Variants in ANTXR1 observed in about 807,000 individuals in gnomAD.
ANTXR1 encodes the protein anthrax toxin receptor 1.
In ANTXR1, 19 loss-of-function variants were observed where a neutral mutation model predicts 78.1. The observed-to-expected ratio is 0.24, with a 90% CI of 0.17 to 0.36. The LOEUF is 0.36. ANTXR1 is among the 10% of genes least tolerant of loss of function. The pLI is 1.00. For synonymous variants in ANTXR1, 273 were observed against 260.5 expected, an observed-to-expected ratio of 1.05 and a Z score of -0.46; for missense variants, 518 against 718.6, an observed-to-expected ratio of 0.72 and a Z score of 3.19.
intron 12 of ANTXR1, among the ~76,000 whole-genome samples, chr2:69,135,779 C>T (rs1173462283): frequency 6.6e-6 from 1 of 152,000 alleles, no homozygotes; most frequent in Non-Finnish European, 1.5e-5. Flanking sequence ...AATCCACCAT[C>T]ACAGGAGGTT....
At chr2:69,154,513 G>A (rs944543158) in intron 13 of ANTXR1, among the ~76,000 whole-genome samples, 1 of 152,134 alleles carries the variant, frequency 6.6e-6, no homozygotes, top group Non-Finnish European at 1.5e-5. Context: ...CCTCCCATCA[G>A]AGTTTCATTC....
At chr2:69,110,640 C>G (rs1313562787) in intron 10 of ANTXR1, among the ~76,000 whole-genome samples, 1 of 152,146 alleles carries the variant, frequency 6.6e-6, no homozygotes, top group Non-Finnish European at 1.5e-5. Flanking sequence ...GGGCGGATCA[C>G]AAGGTCTCCG....
chr2:69,116,436 T>C (rs1351853637), intron 10 of ANTXR1, among the ~76,000 whole-genome samples: 1 of 152,240 alleles, frequency 6.6e-6, no homozygotes, highest in South Asian at 2.1e-4. Context: ...GCTGGTTACT[T>C]TTGGAGGCAG....
At chr2:69,154,963 G>A (rs902388503) in intron 13 of ANTXR1, among the ~76,000 whole-genome samples, 3 of 152,178 alleles carry the variant, frequency 2.0e-5, no homozygotes, top group Non-Finnish European at 4.4e-5. Context: ...AGATGTACTG[G>A]CCAGGATGAG....
intron 17 of ANTXR1, among the ~76,000 whole-genome samples, chr2:69,223,676 TGAG>T (rs1189446134): frequency 1.3e-5 from 2 of 152,228 alleles, no homozygotes; most frequent in African/African-American, 4.8e-5. Flanking sequence ...TTCTAATTTT[TGAG>T]GAGGTTTGCT....
chr2:69,077,147 C>T, intron 7 of ANTXR1: 1 of 546,326 alleles, frequency 1.8e-6, no homozygotes, highest in Non-Finnish European at 3.3e-6. Context: ...AAGCTGGGCG[C>T]TCTTACCTCT....
intron 14 of ANTXR1, among the ~76,000 whole-genome samples, chr2:69,180,427 A>G (rs989541182): frequency 7.2e-5 from 11 of 152,164 alleles, no homozygotes; most frequent in Non-Finnish European, 4.4e-5. Context: ...AAATGGTGAT[A>G]TTTTTCTCCC....
chr2:69,018,743 C>T (rs1671099307), intron 1 of ANTXR1, among the ~76,000 whole-genome samples: 2 of 151,956 alleles, frequency 1.3e-5, no homozygotes, highest in Non-Finnish European at 2.9e-5. Context: ...CCTTGACTCC[C>T]AGACCAGCTC....
At chr2:69,167,959 C>T (rs1673873665) in intron 13 of ANTXR1, among the ~76,000 whole-genome samples, 1 of 152,198 alleles carries the variant, frequency 6.6e-6, no homozygotes, top group Non-Finnish European at 1.5e-5. Context: ...AATTAAATAG[C>T]AACCGCATTG....
At chr2:69,229,301 T>A (rs549580851) in intron 17 of ANTXR1, among the ~76,000 whole-genome samples, 1 of 152,346 alleles carries the variant, frequency 6.6e-6, no homozygotes, top group South Asian at 2.1e-4. Flanking sequence ...GAAAAGGTGT[T>A]GACAGCTACT....
At chr2:69,122,643 G>A (rs1056983878) in intron 10 of ANTXR1, among the ~76,000 whole-genome samples, 5 of 151,958 alleles carry the variant, frequency 3.3e-5, no homozygotes, top group African/African-American at 7.3e-5. Flanking sequence ...TGTGCACAAC[G>A]TGCAGGTTTG....
intron 17 of ANTXR1, among the ~76,000 whole-genome samples, chr2:69,218,189 G>T (rs1160406272): frequency 6.6e-6 from 1 of 152,174 alleles, no homozygotes; most frequent in Non-Finnish European, 1.5e-5. Flanking sequence ...CTGCAGAAAA[G>T]TCACCCCATG....
chr2:69,106,074 C>A (rs892675898), intron 10 of ANTXR1, among the ~76,000 whole-genome samples: 1 of 152,196 alleles, frequency 6.6e-6, no homozygotes, highest in African/African-American at 2.4e-5. Context: ...ATAGGTAGGG[C>A]ATATAATACT....
At chr2:69,028,874 T>C (rs982171011) in intron 1 of ANTXR1, among the ~76,000 whole-genome samples, 29 of 152,122 alleles carry the variant, frequency 1.9e-4, no homozygotes, top group African/African-American at 6.0e-4. Flanking sequence ...AGAGGACAGT[T>C]TGAGAAAATT....
intron 8 of ANTXR1, among the ~76,000 whole-genome samples, chr2:69,085,889 T>C (rs1401786510): frequency 1.3e-5 from 2 of 152,218 alleles, no homozygotes; most frequent in East Asian, 3.8e-4. Context: ...GTTCAGGTTT[T>C]TGTCTTAGAC....
At chr2:69,068,604 G>A (rs1480606893) in intron 3 of ANTXR1, among the ~76,000 whole-genome samples, 1 of 152,200 alleles carries the variant, frequency 6.6e-6, no homozygotes, top group East Asian at 1.9e-4. Context: ...GCTGGACAGG[G>A]AGGCAAGAGC....
chr2:69,015,947 C>G (rs1330469355), intron 1 of ANTXR1, among the ~76,000 whole-genome samples: 2 of 150,728 alleles, frequency 1.3e-5, no homozygotes, highest in Non-Finnish European at 2.9e-5. Context: ...CTAAAAAGGT[C>G]GTTATTAATC....
intron 3 of ANTXR1, among the ~76,000 whole-genome samples, chr2:69,061,491 CA>C: frequency 7.2e-6 from 1 of 138,252 alleles, no homozygotes; most frequent in South Asian, 2.3e-4. Flanking sequence ...TCAACAACAA[CA>C]AAAAACAACT....
rs138856353 is a variant in ANTXR1, at chr2:69,035,352, C to T, written c.153-4692C>T. 1.8e-3 allele frequency among the ~76,000 whole-genome samples: 269 copies of T among 152,212 alleles called. 1 individual carries two copies. Among genetic ancestry groups the T allele is most frequent in the African/African-American group, 6.0e-3 (249 of 41,542 alleles). ...GCTGCCATGCTGAAACCATAAGCAG[C>T]GGACACAGGGCTCTTTCTTTCTCCA... On this transcript the variant is annotated intron_variant, in intron 1 of 17. Transcript: ENST00000303714.
Sources: allele counts gnomAD v4.1 joint callset (sites outside exome capture counted in the v4.1 genomes callset), GRCh38; gene constraint gnomAD v4.1.1; transcripts MANE v1.5; gene names NCBI Gene and HGNC (gene_info 2026-07-23, HGNC 2026-07-21).